The following ARL15 variants were observed in gnomAD, a reference collection of about 807,000 sequenced individuals.
ARL15 encodes ADP-ribosylation factor-like protein 15.
In ARL15, 19 loss-of-function variants were observed where a neutral mutation model predicts 25.2. That is an observed-to-expected ratio of 0.75 (90% confidence interval 0.53 to 1.10). The LOEUF (loss-of-function observed/expected upper bound fraction) is 1.10. Among genes scored for constraint, ARL15 ranks in the 50% least tolerant of loss-of-function variants. ARL15 has a pLI of 0.00. For synonymous variants in ARL15, 94 were observed against 86.8 expected (o/e 1.08, Z -0.46); for missense variants, 220 against 246.0 (o/e 0.89, Z 0.71).
chr5:54,242,161 A>G (rs1197531831), intron 1 of ARL15, among the ~76,000 whole-genome samples: 1 of 151,944 alleles, frequency 6.6e-6, no homozygotes, highest in African/African-American at 2.4e-5. Context: ...CTGTACACGT[A>G]CACACACGCA....
chr5:53,951,883 G>C, intron 4 of ARL15, among the ~76,000 whole-genome samples: 1 of 99,458 alleles, frequency 1.0e-5, no homozygotes, highest in South Asian at 2.8e-4. Flanking sequence ...TACATTTTGT[G>C]CTTTGGGGAA....
At position 54,289,622 on chromosome 5, in the gene ARL15, T is replaced by C. The variant is rs138393959; in HGVS notation, c.48+20810A>G. Among the ~76,000 whole-genome samples, 3 of 135,462 alleles carry C rather than the reference T, an allele frequency of 2.2e-5. No individual in the cohort carries two copies. The East Asian group carries it at 6.0e-4, about 27-fold the overall frequency. 88.9% of individuals were successfully genotyped at this position (135,462 alleles called of 152,430 possible). ...TTCTGGGAGACATTAAGAGCAAATC[T>C]AACAGCTTTCAGTGTTAAGACTTTC... is the stretch of plus-strand genomic sequence containing the variant. On this transcript the variant is annotated intron_variant, in intron 1 of 4. Transcript: ENST00000504924.
At chr5:54,114,751 A>G (rs1461981931) in intron 3 of ARL15, among the ~76,000 whole-genome samples, 1 of 152,196 alleles carries the variant, frequency 6.6e-6, no homozygotes, top group East Asian at 1.9e-4. Context: ...GGCACTTCCC[A>G]TTACATCATG....
In ARL15 at chr5:54,066,528, C is replaced by A. The variant is rs566808970; in HGVS notation, c.462+46674G>T. 5.9e-5 allele frequency among the ~76,000 whole-genome samples: 9 copies of A among 152,214 alleles called. No individual in the cohort carries two copies. In the South Asian group the frequency reaches 1.9e-3, roughly 32 times the overall value. On this transcript the variant is annotated intron_variant, in intron 4 of 4. Transcript: ENST00000504924. ...ATGAAAGAAGACTGACAGGGACATT[C>A]AAAATTGATAATATCTTTGAATAAA...
chr5:54,038,512 G>C (rs1015269328), intron 4 of ARL15, among the ~76,000 whole-genome samples: 7 of 151,826 alleles, frequency 4.6e-5, no homozygotes, highest in African/African-American at 1.7e-4. Flanking sequence ...CAAAACTCAA[G>C]TGTAAACCTC....
intron 1 of ARL15, among the ~76,000 whole-genome samples, chr5:54,294,240 C>G (rs541684973): frequency 6.6e-6 from 1 of 152,232 alleles, no homozygotes; most frequent in Non-Finnish European, 1.5e-5. Context: ...AAAATCCAGT[C>G]CACTGCCTGG....
chr5:54,007,027 G>A (rs1425327847), intron 4 of ARL15, among the ~76,000 whole-genome samples: 1 of 152,048 alleles, frequency 6.6e-6, no homozygotes, highest in Non-Finnish European at 1.5e-5. Flanking sequence ...GGAGACGGAG[G>A]TTGCAAAACT....
intron 1 of ARL15, among the ~76,000 whole-genome samples, chr5:54,218,228 T>G (rs1756269350): frequency 6.6e-6 from 1 of 152,140 alleles, no homozygotes; most frequent in Non-Finnish European, 1.5e-5. Flanking sequence ...AGACTTAATA[T>G]TTTCTCTCTT....
intron 4 of ARL15, among the ~76,000 whole-genome samples, chr5:54,029,706 A>G (rs1398939311): frequency 6.6e-6 from 1 of 152,026 alleles, no homozygotes; most frequent in East Asian, 1.9e-4. Flanking sequence ...AAAAAATAAA[A>G]AGAATGGCTG....
chr5:53,884,358 CCCACCCACCCCA>C lies in ARL15; in HGVS notation c.*2191_*2202del, dbSNP rs1203159240. The C allele has an allele frequency of 3.5e-4, 20 of 56,946 alleles. No homozygotes were observed. In the East Asian group the frequency reaches 8.4e-3, roughly 24 times the overall value. 3.5% of individuals were successfully genotyped at this position (56,946 alleles called of 1,614,324 possible). On this transcript the variant is annotated 3_prime_UTR_variant, in exon 5 of 5. Coordinates refer to ENST00000504924, the MANE Select transcript of ARL15 (RefSeq NM_019087.3). The stretch of plus-strand genomic sequence containing the variant: ...GACTTACACTCCCACCCCCAGCCAT[CCCACCCACCCCA>C]CCACCCACCCACCCATCCCCACCCG...
At chr5:53,991,482 C>CAGTG (rs1468467433) in intron 4 of ARL15, among the ~76,000 whole-genome samples, 1 of 135,192 alleles carries the variant, frequency 7.4e-6, no homozygotes, top group Non-Finnish European at 1.5e-5. Context: ...GCGGAGGTTG[C>CAGTG]AGTGAGCTGA....
At chr5:54,034,789 G>A (rs969826954) in intron 4 of ARL15, among the ~76,000 whole-genome samples, 21 of 151,986 alleles carry the variant, frequency 1.4e-4, no homozygotes, top group Non-Finnish European at 1.9e-4. Context: ...CTCCTGAGTA[G>A]CTCAGACTAC....
intron 1 of ARL15, among the ~76,000 whole-genome samples, chr5:54,300,164 A>G (rs1364616313): frequency 1.3e-5 from 2 of 152,092 alleles, no homozygotes; most frequent in Non-Finnish European, 2.9e-5. Flanking sequence ...CCTTGAACCT[A>G]GCAATGCCTT....
At chr5:54,278,371 T>G (rs2112661618) in intron 1 of ARL15, among the ~76,000 whole-genome samples, 1 of 152,308 alleles carries the variant, frequency 6.6e-6, no homozygotes, top group Non-Finnish European at 1.5e-5. Context: ...ACCACAATTG[T>G]ACTATAAACT....
At chr5:54,264,239 T>C (rs1757566338) in intron 1 of ARL15, among the ~76,000 whole-genome samples, 1 of 152,172 alleles carries the variant, frequency 6.6e-6, no homozygotes, top group African/African-American at 2.4e-5. Context: ...ACTCCTCTCT[T>C]CATTCTTCCG....
chr5:53,936,595 C>T lies in ARL15; in HGVS notation c.463-49882G>A, dbSNP rs114693970. On this transcript the variant is annotated intron_variant, in intron 4 of 4. Transcript: ENST00000504924. Reference sequence around the variant, plus strand: ...CTGAAAAACAAACAAACAAAACTTCCAAGATTATTGTGGGAATTAGAAACA... The same window carrying T: ...CTGAAAAACAAACAAACAAAACTTCTAAGATTATTGTGGGAATTAGAAACA... Among the ~76,000 whole-genome samples, 772 of 152,234 alleles carry T rather than the reference C, an allele frequency of 5.1e-3. 6 individuals are homozygous for T. The highest frequency in any genetic ancestry group is 0.018 in the African/African-American group (741 of 41,530).
At chr5:53,999,140 C>T (rs1050270284) in intron 4 of ARL15, among the ~76,000 whole-genome samples, 4 of 151,854 alleles carry the variant, frequency 2.6e-5, no homozygotes, top group Non-Finnish European at 4.4e-5. Context: ...GGCTGTAGGA[C>T]CAACATTCGG....
intron 4 of ARL15, among the ~76,000 whole-genome samples, chr5:54,098,458 T>A (rs1752350032): frequency 6.6e-6 from 1 of 152,108 alleles, no homozygotes; most frequent in Non-Finnish European, 1.5e-5. Context: ...TAACCCTGCA[T>A]CACTGCTCAT....
intron 1 of ARL15, among the ~76,000 whole-genome samples, chr5:54,215,049 A>C (rs560510668): frequency 6.6e-6 from 1 of 152,166 alleles, no homozygotes; most frequent in East Asian, 1.9e-4. Context: ...AATGGGAGAC[A>C]CCAGCCAGAG....
Sources: gnomAD v4.1 joint callset for allele counts (sites outside exome capture counted in the v4.1 genomes callset) on GRCh38, gnomAD v4.1.1 for gene constraint, MANE v1.5 for transcripts, NCBI Gene and HGNC (gene_info 2026-07-23, HGNC 2026-07-21) for gene names.